GIGYF2: variants seen among roughly 807,000 people sequenced by gnomAD.
GIGYF2 encodes GRB10-interacting GYF protein 2.
A neutral mutation model predicts 208.1 loss-of-function variants in GIGYF2; 25 were observed. The observed-to-expected ratio is 0.12, with a 90% CI of 0.09 to 0.17. GIGYF2 has a LOEUF of 0.17. Ranked by LOEUF, GIGYF2 falls within the 10% of genes least tolerant of loss-of-function variation. The pLI is 1.00. For missense variants in GIGYF2, 1,302 were observed against 1,579.4 expected, an observed-to-expected ratio of 0.82 and a Z score of 2.98; for synonymous variants, 534 against 543.8, an observed-to-expected ratio of 0.98 and a Z score of 0.25.
chr2:232,712,328 G>A (rs7592717), intron 2 of GIGYF2, among the ~76,000 whole-genome samples: 46,896 of 152,088 alleles, frequency 0.31, 7,685 homozygotes, highest in South Asian at 0.62. Context: ...TTTGTATGCA[G>A]TAGAAATGCA....
chr2:232,808,497 A>G (rs1292225336), intron 15 of GIGYF2, among the ~76,000 whole-genome samples: 4 of 152,276 alleles, frequency 2.6e-5, no homozygotes, highest in Admixed American at 1.3e-4. Context: ...CCACTTCATG[A>G]TGAATGTATA....
chr2:232,761,579 G>A, intron 8 of GIGYF2, 143 bp downstream of exon 8: 1 of 619,720 alleles, frequency 1.6e-6, no homozygotes, highest in Non-Finnish European at 3.0e-6. Flanking sequence ...TGAAACCAGA[G>A]ATGATGAATA....
At chr2:232,756,359 A>G (rs764375783) in intron 6 of GIGYF2, 25 bp downstream of exon 6, 18 of 1,196,426 alleles carry the variant, frequency 1.5e-5, no homozygotes, top group African/African-American at 9.2e-5. Flanking sequence ...GAAAAAAGTA[A>G]TAATGGAGGA....
intron 4 of GIGYF2, among the ~76,000 whole-genome samples, chr2:232,748,186 G>A (rs1698219420): frequency 6.6e-6 from 1 of 152,186 alleles, no homozygotes; most frequent in Non-Finnish European, 1.5e-5. Flanking sequence ...CTACATTTGT[G>A]TCACTTAGAT....
chr2:232,848,409 G>T (rs988973614), intron 27 of GIGYF2, among the ~76,000 whole-genome samples: 2 of 152,178 alleles, frequency 1.3e-5, no homozygotes, highest in African/African-American at 4.8e-5. Context: ...GCCGAGACAG[G>T]TGGATCATGA....
In GIGYF2 at chr2:232,844,221, A is replaced by AGC; in HGVS notation, c.3065_3066insGC (p.Gln1024ThrfsTer27). 6.4e-7 allele frequency: 1 copy of AGC among 1,566,164 alleles called. No homozygotes were observed. The highest frequency in any genetic ancestry group is 2.4e-5 in the East Asian group (1 of 41,950). On this transcript the variant is annotated frameshift_variant, in exon 24 of 29. Transcript: ENST00000373563. LOFTEE classifies it high-confidence loss of function. ...CAAAAGCAGCAGCAGCAGCAGCAGC[A>AGC]ACACCAGCAACCAAACAGAGCTCGT...
chr2:232,749,487 T>A (rs1480361396), intron 5 of GIGYF2, among the ~76,000 whole-genome samples: 1 of 152,106 alleles, frequency 6.6e-6, no homozygotes, highest in Admixed American at 6.6e-5. Flanking sequence ...AAAACTCTTC[T>A]GTCACCAATG....
chr2:232,836,524 C>T (rs1314684203), intron 22 of GIGYF2, among the ~76,000 whole-genome samples: 1 of 139,304 alleles, frequency 7.2e-6, no homozygotes, highest in Non-Finnish European at 1.5e-5. Flanking sequence ...CAAAATCATA[C>T]CACTGCACTC....
At chr2:232,818,365 T>G (rs1700976692) in intron 20 of GIGYF2, among the ~76,000 whole-genome samples, 1 of 152,258 alleles carries the variant, frequency 6.6e-6, no homozygotes, top group Non-Finnish European at 1.5e-5. Flanking sequence ...AGACACATTT[T>G]ATTTTTCCCC....
At chr2:232,735,270 T>C (rs1412976048) in intron 3 of GIGYF2, 32 bp downstream of exon 3, 6 of 1,468,940 alleles carry the variant, frequency 4.1e-6, no homozygotes, top group South Asian at 1.1e-5. Context: ...TTCTTTGATA[T>C]TGGATGACTA....
At chr2:232,733,398 T>C (rs1697592806) in intron 2 of GIGYF2, among the ~76,000 whole-genome samples, 1 of 152,176 alleles carries the variant, frequency 6.6e-6, no homozygotes, top group Non-Finnish European at 1.5e-5. Context: ...TCTGCTTGGT[T>C]GACACAGGGC....
Position 232,791,442 on chromosome 2 carries a change from G to T in GIGYF2, c.1278G>T (p.Gly426=), listed in dbSNP as rs767600397. 1.2e-6 allele frequency: 2 copies of T among 1,612,954 alleles called. No homozygotes were observed. The highest frequency in any genetic ancestry group is 2.2e-5 in the South Asian group (2 of 90,980). The change falls in exon 12 of 29, where the codon GGG becomes GGT. Residue 426 remains glycine (G), a synonymous_variant. Transcript: ENST00000373563. ...TACCAGCCAAAGTGCCCAGCAGAGGGGATGGTATGTATTTGTGGGAATAGA... is the reference window on the plus strand; with the variant it reads ...TACCAGCCAAAGTGCCCAGCAGAGGTGATGGTATGTATTTGTGGGAATAGA... ...NSLPAKVPSR[G]DEMVADVQQP... is the part of the protein sequence containing the mutation.
At chr2:232,804,576 C>G (rs954304585) in intron 14 of GIGYF2, among the ~76,000 whole-genome samples, 3 of 152,234 alleles carry the variant, frequency 2.0e-5, no homozygotes, top group South Asian at 4.2e-4. Flanking sequence ...CCTGCAACCT[C>G]TGCTTCCCAG....
At chr2:232,855,966 T>G (rs542515312) in intron 28 of GIGYF2, among the ~76,000 whole-genome samples, 2 of 151,958 alleles carry the variant, frequency 1.3e-5, no homozygotes, top group Non-Finnish European at 2.9e-5. Flanking sequence ...AGTCTCGCTC[T>G]GTCACCCAGG....
chr2:232,850,182 G>A lies in GIGYF2; in HGVS notation c.3685-80G>A, dbSNP rs1019900301. 59 of 1,156,748 alleles carry A rather than the reference G, an allele frequency of 5.1e-5. No individual in the cohort carries two copies. The African/African-American group carries it at 8.6e-4, about 17-fold the overall frequency. 71.7% of individuals were successfully genotyped at this position (1,156,748 alleles called of 1,614,324 possible). On this transcript the variant is annotated intron_variant, in intron 27 of 28. Coordinates refer to ENST00000373563, the MANE Select transcript of GIGYF2 (RefSeq NM_001103146.3). ...CTTTTAAGCTCATTCTTGATAAGGT[G>A]AGGACAAACCAAACATTTTCCTAGG...
intron 28 of GIGYF2, among the ~76,000 whole-genome samples, chr2:232,853,419 G>T (rs1201015000): frequency 6.6e-6 from 1 of 152,170 alleles, no homozygotes; most frequent in African/African-American, 2.4e-5. Flanking sequence ...TGGGACTACA[G>T]GTGCGTGCCA....
chr2:232,800,711 A>G (rs1487694943), intron 14 of GIGYF2, among the ~76,000 whole-genome samples: 4 of 151,814 alleles, frequency 2.6e-5, no homozygotes, highest in East Asian at 1.9e-4. Context: ...CCTCCTTAGA[A>G]CAAGCACACA....
chr2:232,708,116 G>T (rs1402399256), intron 2 of GIGYF2, among the ~76,000 whole-genome samples: 1 of 151,690 alleles, frequency 6.6e-6, no homozygotes, highest in Non-Finnish European at 1.5e-5. Context: ...ATACACCATT[G>T]CACATGGCTA....
chr2:232,833,779 A>G (rs886820025), intron 22 of GIGYF2, among the ~76,000 whole-genome samples: 1 of 152,226 alleles, frequency 6.6e-6, no homozygotes, highest in Non-Finnish European at 1.5e-5. Context: ...GTAAATGGGA[A>G]CTAGAATATA....
Sources: allele counts gnomAD v4.1 joint callset (sites outside exome capture counted in the v4.1 genomes callset), GRCh38; gene constraint gnomAD v4.1.1; transcripts MANE v1.5; gene names NCBI Gene and HGNC (gene_info 2026-07-23, HGNC 2026-07-21).